The following ITPR2 variants were observed in gnomAD, a reference collection of about 807,000 sequenced individuals.
ITPR2 encodes the protein inositol 1,4,5-trisphosphate receptor type 2.
A neutral mutation model predicts 317.1 loss-of-function variants in ITPR2; 207 were observed. The ratio of observed to expected loss-of-function variants is 0.65; its 90% CI spans 0.58 to 0.73. ITPR2 has a LOEUF of 0.73. Ranked by LOEUF, ITPR2 falls within the 30% of genes least tolerant of loss-of-function variation. ITPR2 has a pLI of 0.00. For synonymous variants in ITPR2, 1,156 were observed against 1,149.1 expected (o/e 1.01, Z -0.12); for missense variants, 2,613 against 3,284.0 (o/e 0.80, Z 4.99).
intron 2 of ITPR2, among the ~76,000 whole-genome samples, chr12:26,753,522 C>A (rs1949466127): frequency 6.6e-6 from 1 of 152,116 alleles, no homozygotes; most frequent in Non-Finnish European, 1.5e-5. Context: ...GTGTGTGGAT[C>A]TTTCCCTGGC....
intron 37 of ITPR2, among the ~76,000 whole-genome samples, chr12:26,503,117 G>GCCA (rs1474447098): frequency 1.3e-5 from 2 of 151,612 alleles, no homozygotes; most frequent in African/African-American, 4.8e-5. Context: ...GGTTCACAGG[G>GCCA]CAGTGAGACG....
chr12:26,744,937 A>T (rs758857796), intron 2 of ITPR2, among the ~76,000 whole-genome samples: 3 of 152,242 alleles, frequency 2.0e-5, no homozygotes, highest in African/African-American at 7.2e-5. Context: ...TTGCAGGCAA[A>T]CTGTTATGCA....
intron 12 of ITPR2, 45 bp from the exon 13 acceptor site, chr12:26,682,079 A>G: frequency 2.0e-6 from 3 of 1,517,184 alleles, no homozygotes; most frequent in Non-Finnish European, 1.8e-6. Context: ...ACAACTATAC[A>G]ATATTCTTTG....
intron 21 of ITPR2, among the ~76,000 whole-genome samples, chr12:26,642,225 T>C (rs1300894153): frequency 1.3e-5 from 2 of 152,252 alleles, no homozygotes; most frequent in Non-Finnish European, 2.9e-5. Context: ...ATAATTTATT[T>C]TTATTTTTCT....
chr12:26,475,349 C>T lies in ITPR2; in HGVS notation c.6289G>A (p.Asp2097Asn). The T allele has an allele frequency of 6.2e-7, 1 of 1,613,552 alleles. No homozygotes were observed. The highest frequency in any genetic ancestry group is 8.5e-7 in the Non-Finnish European group (1 of 1,179,526). Residue 2097 changes from aspartate (D) to asparagine (N), a missense_variant, in exon 45 of 57, where the codon GAT becomes AAT. Physicochemically the swap from Asp to Asn is conservative, Grantham distance 23 (BLOSUM62 1). This residue lies in a region of ITPR2 where 926 missense variants were observed against 1,072.8 expected (regional missense o/e 0.86). Transcript: ENST00000381340. ...CDHGDDEGGD[D>N]GVSPKDVGHN... ...CCAACATCTTTTGGAGAAACACCAT[C>T]ATCTCCACCCTCATCATCCCCATGG...
intron 24 of ITPR2, among the ~76,000 whole-genome samples, chr12:26,623,075 CTT>C (rs1302486791): frequency 1.3e-5 from 2 of 152,154 alleles, no homozygotes; most frequent in Non-Finnish European, 2.9e-5. Context: ...ATTCTTGATT[CTT>C]GTTTGTCTTT....
intron 1 of ITPR2, among the ~76,000 whole-genome samples, chr12:26,797,092 CA>C (rs552528250): frequency 2.0e-5 from 3 of 151,018 alleles, no homozygotes; most frequent in Admixed American, 1.3e-4. Context: ...AGAAAACTAC[CA>C]AAAAAATGAA....
intron 34 of ITPR2, among the ~76,000 whole-genome samples, chr12:26,576,023 A>G (rs913246992): frequency 6.6e-6 from 1 of 152,212 alleles, no homozygotes; most frequent in African/African-American, 2.4e-5. Flanking sequence ...GGAAAAAGAG[A>G]AGAGACTACC....
chr12:26,696,371 T>C lies in ITPR2; in HGVS notation c.952-721A>G, dbSNP rs549107066. ...GAGGTGTGTTTCTTGAAACATCAAG[T>C]TGTCCAATTGAATTTAATCATTTTA... On this transcript the variant is annotated intron_variant, in intron 9 of 56. Coordinates refer to ENST00000381340, the MANE Select transcript of ITPR2 (RefSeq NM_002223.4). 6.6e-5 allele frequency among the ~76,000 whole-genome samples: 10 copies of C among 152,250 alleles called. No homozygotes were observed. In the East Asian group the frequency reaches 1.7e-3, roughly 26 times the overall value.
chr12:26,760,533 T>C (rs1245588892), intron 2 of ITPR2, among the ~76,000 whole-genome samples: 1 of 151,838 alleles, frequency 6.6e-6, no homozygotes, highest in Admixed American at 6.6e-5. Context: ...AACAAAGAAC[T>C]TAATGCCAAA....
At chr12:26,810,422 C>T (rs1427642214) in intron 1 of ITPR2, among the ~76,000 whole-genome samples, 1 of 152,184 alleles carries the variant, frequency 6.6e-6, no homozygotes, top group Non-Finnish European at 1.5e-5. Context: ...TATCCCTGTG[C>T]CCAACCTTTT....
At chr12:26,627,968 G>A (rs1028716460) in intron 23 of ITPR2, 65 bp downstream of exon 23, 1 of 1,342,242 alleles carries the variant, frequency 7.5e-7, no homozygotes, top group Non-Finnish European at 1.0e-6. Context: ...TTTAAAATAT[G>A]ATAGGTACTT....
At chr12:26,581,906 G>T (rs868728774) in intron 32 of ITPR2, among the ~76,000 whole-genome samples, 1 of 152,100 alleles carries the variant, frequency 6.6e-6, no homozygotes, top group South Asian at 2.1e-4. Context: ...AATTGCGTGG[G>T]GCTCTCTGGA....
At chr12:26,747,987 G>A (rs901420588) in intron 2 of ITPR2, among the ~76,000 whole-genome samples, 6 of 152,154 alleles carry the variant, frequency 3.9e-5, no homozygotes, top group African/African-American at 1.4e-4. Context: ...TTCCACCAAT[G>A]CAAGTCCCTT....
chr12:26,693,027 A>T (rs1410113193), intron 10 of ITPR2, among the ~76,000 whole-genome samples: 6 of 152,308 alleles, frequency 3.9e-5, no homozygotes, highest in African/African-American at 1.4e-4. Context: ...TGTTCTATAA[A>T]ATAGGAAGCC....
intron 2 of ITPR2, among the ~76,000 whole-genome samples, chr12:26,761,866 A>G (rs951317124): frequency 3.9e-5 from 6 of 152,232 alleles, no homozygotes; most frequent in Non-Finnish European, 7.3e-5. Flanking sequence ...GAAAACAATT[A>G]CACAAAATTA....
At chr12:26,442,739 C>A (rs1941515051) in intron 46 of ITPR2, among the ~76,000 whole-genome samples, 1 of 152,066 alleles carries the variant, frequency 6.6e-6, no homozygotes, top group Non-Finnish European at 1.5e-5. Flanking sequence ...AAAGGTTTGA[C>A]AATAGTAAAC....
At chr12:26,638,233 C>T (rs953035973) in intron 21 of ITPR2, among the ~76,000 whole-genome samples, 8 of 152,178 alleles carry the variant, frequency 5.3e-5, no homozygotes, top group South Asian at 2.1e-4. Context: ...CTCAAGATTT[C>T]AATTTGCAAA....
chr12:26,597,219 A>G, intron 30 of ITPR2, 85 bp from the exon 31 acceptor site: 2 of 1,390,308 alleles, frequency 1.4e-6, no homozygotes, highest in East Asian at 2.3e-5. Context: ...ATCTGGAAAC[A>G]CGTATATCTC....
Sources: allele counts gnomAD v4.1 joint callset (sites outside exome capture counted in the v4.1 genomes callset), GRCh38; gene constraint gnomAD v4.1.1; regional missense constraint gnomAD v4.1.1; transcripts MANE v1.5; gene names NCBI Gene and HGNC (gene_info 2026-07-23, HGNC 2026-07-21).